The following PFDN1 variants were observed in gnomAD, a reference collection of about 807,000 sequenced individuals.
PFDN1 encodes prefoldin 1.
PFDN1 carries 6 observed loss-of-function variants against 17.3 expected under a neutral mutation model. The observed-to-expected ratio is 0.35, with a 90% CI of 0.19 to 0.69. The LOEUF is 0.69. Ranked by LOEUF, PFDN1 falls within the 30% of genes least tolerant of loss-of-function variation. The pLI is 0.65. For synonymous variants in PFDN1, 58 were observed against 50.1 expected, an observed-to-expected ratio of 1.16 and a Z score of -0.67; for missense variants, 113 against 146.2, an observed-to-expected ratio of 0.77 and a Z score of 1.17.
chr5:140,277,499 T>C (rs749860414), intron 3 of PFDN1, among the ~76,000 whole-genome samples: 4 of 151,846 alleles, frequency 2.6e-5, no homozygotes, highest in Non-Finnish European at 5.9e-5. Context: ...AATACAAATT[T>C]TCCAGAATTT....
At chr5:140,277,592 T>C (rs2126690290) in intron 3 of PFDN1, among the ~76,000 whole-genome samples, 1 of 150,922 alleles carries the variant, frequency 6.6e-6, no homozygotes, top group Middle Eastern at 3.4e-3. Context: ...TAGCCACGCG[T>C]GGTAGCATGC....
Position 140,300,588 on chromosome 5 carries a change from A to G in PFDN1, c.34-6T>C. 1 of 1,588,414 alleles carries G rather than the reference A, an allele frequency of 6.3e-7. No individual in the cohort carries two copies. Among genetic ancestry groups the G allele is most frequent in the South Asian group, 1.2e-5 (1 of 86,504 alleles). ...GCTTGAAGCTCTGTGAAGGCCTAAT[A>G]AAAACAAGTCCATGATTTAGTAGGT... is the stretch of plus-strand genomic sequence containing the variant. On this transcript the variant is annotated splice_polypyrimidine_tract_variant and splice_region_variant and intron_variant, in intron 1 of 3. Coordinates refer to ENST00000261813, the MANE Select transcript of PFDN1 (RefSeq NM_002622.5).
intron 3 of PFDN1, chr5:140,262,536 C>T (rs748800377): frequency 4.4e-6 from 2 of 456,156 alleles, no homozygotes; most frequent in South Asian, 3.1e-5. Context: ...GACCTGCTGG[C>T]ACTCGACTGT....
chr5:140,263,927 A>G (rs1765099388), intron 3 of PFDN1, among the ~76,000 whole-genome samples: 2 of 146,516 alleles, frequency 1.4e-5, no homozygotes, highest in African/African-American at 2.5e-5. Context: ...AGGCTGAAGC[A>G]GGAGAATGGC....
intron 1 of PFDN1, 126 bp from the exon 2 acceptor site, chr5:140,300,708 A>G: frequency 1.6e-6 from 1 of 617,256 alleles, no homozygotes; most frequent in South Asian, 2.2e-5. Context: ...CCAAACATCA[A>G]TAAAAGTCAA....
intron 3 of PFDN1, among the ~76,000 whole-genome samples, chr5:140,247,861 C>T (rs943422740): frequency 3.3e-5 from 5 of 151,978 alleles, no homozygotes; most frequent in East Asian, 2.0e-4. Flanking sequence ...ACCCAGGAGG[C>T]GGAGGCTGCA....
chr5:140,273,549 T>C (rs1765243496), intron 3 of PFDN1, among the ~76,000 whole-genome samples: 1 of 152,244 alleles, frequency 6.6e-6, no homozygotes, highest in Non-Finnish European at 1.5e-5. Context: ...AGGCACCTCC[T>C]ATCCTGTTCT....
At chr5:140,300,675 C>T (rs937018448) in intron 1 of PFDN1, 93 bp from the exon 2 acceptor site, 4 of 801,374 alleles carry the variant, frequency 5.0e-6, no homozygotes, top group Non-Finnish European at 7.9e-6. Context: ...ATATGCTAGC[C>T]AGAGACAAAG....
chr5:140,257,297 C>T (rs1765002889), intron 3 of PFDN1, among the ~76,000 whole-genome samples: 1 of 152,034 alleles, frequency 6.6e-6, no homozygotes, highest in Non-Finnish European at 1.5e-5. Flanking sequence ...AACCAAGGTG[C>T]TCAGGCTCCA....
Position 140,245,639 on chromosome 5 carries a change from G to C in PFDN1, c.*335C>G, listed in dbSNP as rs11558407. Reference sequence around the variant, plus strand: ...CAAGAAAACCAGGCTTAGCAGAGTGGGACAGACGCTTTTTATTGGTCTGGC... The same window carrying C: ...CAAGAAAACCAGGCTTAGCAGAGTGCGACAGACGCTTTTTATTGGTCTGGC... On this transcript the variant is annotated 3_prime_UTR_variant, in exon 4 of 4. Coordinates refer to ENST00000261813, the MANE Select transcript of PFDN1 (RefSeq NM_002622.5). 1.5e-6 allele frequency: 1 copy of C among 687,706 alleles called. No homozygotes were observed. Among genetic ancestry groups the C allele is most frequent in the African/African-American group, 1.8e-5 (1 of 56,392 alleles). 42.6% of individuals were successfully genotyped at this position (687,706 alleles called of 1,614,324 possible).
intron 3 of PFDN1, among the ~76,000 whole-genome samples, chr5:140,274,094 C>CA (rs1226471119): frequency 6.6e-6 from 1 of 152,156 alleles, no homozygotes; most frequent in East Asian, 1.9e-4. Context: ...TTCCTAACTG[C>CA]AAAAGAGGCC....
chr5:140,262,422 C>T (rs934625899), intron 3 of PFDN1: 13 of 429,040 alleles, frequency 3.0e-5, no homozygotes, highest in Non-Finnish European at 5.8e-5. Context: ...CCATGAAGAA[C>T]ACGTGACCTC....
Position 140,245,435 on chromosome 5 carries a change from TC to T in PFDN1, c.*538del, listed in dbSNP as rs898729366. The stretch of plus-strand genomic sequence containing the variant: ...TCAGCTGTGAACATCTGTTCTTTCT[TC>T]CTCTTCTGTCTACTGCATGCAGGCC... On this transcript the variant is annotated 3_prime_UTR_variant, in exon 4 of 4. Transcript: ENST00000261813. 2.1e-5 allele frequency: 15 copies of T among 702,402 alleles called. No individual in the cohort carries two copies. In the Admixed American group the frequency reaches 2.4e-4, roughly 11 times the overall value. 43.5% of individuals were successfully genotyped at this position (702,402 alleles called of 1,614,324 possible).
In PFDN1 at chr5:140,246,018, C is replaced by T. The variant is rs1764824653; in HGVS notation, c.325G>A (p.Glu109Lys). The T allele has an allele frequency of 6.4e-7, 1 of 1,563,506 alleles. No homozygotes were observed. The highest frequency in any genetic ancestry group is 1.4e-5 in the African/African-American group (1 of 73,892). The change falls in exon 4 of 4, where the codon GAG becomes AAG. Residue 109 changes from glutamate (E) to lysine (K), a missense_variant. Glu to Lys is a moderately conservative substitution (Grantham distance 56, BLOSUM62 1). Coordinates refer to ENST00000261813, the MANE Select transcript of PFDN1 (RefSeq NM_002622.5). Reference protein sequence around the residue: ...SYLERSVKEAEDNIREMLMAR... With the variant: ...SYLERSVKEAKDNIREMLMAR... ...ATCAGCATCTCCCGGATGTTGTCCT[C>T]AGCTTCCTTAACGCTTCGCTCCAGG...
At chr5:140,272,145 G>A (rs181830342) in intron 3 of PFDN1, among the ~76,000 whole-genome samples, 127 of 150,766 alleles carry the variant, frequency 8.4e-4, no homozygotes, top group African/African-American at 2.3e-3. Context: ...CCAGCCTCCC[G>A]AGTAGCTGGG....
intron 3 of PFDN1, 153 bp downstream of exon 3, chr5:140,281,296 G>T: frequency 1.8e-6 from 1 of 559,746 alleles, no homozygotes; most frequent in Non-Finnish European, 3.2e-6. Flanking sequence ...CTATGAATAT[G>T]AATATGACAG....
chr5:140,265,429 T>C (rs1765121975), intron 3 of PFDN1, among the ~76,000 whole-genome samples: 1 of 152,204 alleles, frequency 6.6e-6, no homozygotes, highest in Non-Finnish European at 1.5e-5. Context: ...GCTAGTTCTA[T>C]GACTTGAAAC....
Position 140,245,620 on chromosome 5 carries a change from A to G in PFDN1, c.*354T>C, listed in dbSNP as rs1173775192. On this transcript the variant is annotated 3_prime_UTR_variant, in exon 4 of 4. Coordinates refer to ENST00000261813, the MANE Select transcript of PFDN1 (RefSeq NM_002622.5). ...TCTGTTCCATCCCTCTGCTCAAGAA[A>G]ACCAGGCTTAGCAGAGTGGGACAGA... The G allele has an allele frequency of 2.9e-6, 2 of 700,604 alleles. No homozygotes were observed. Among genetic ancestry groups the G allele is most frequent in the Non-Finnish European group, 5.2e-6 (2 of 384,500 alleles). 43.4% of individuals were successfully genotyped at this position (700,604 alleles called of 1,614,324 possible). A position where few individuals can be genotyped will look rare whatever the true frequency, so the allele number is the denominator to read the frequency against.
intron 3 of PFDN1, among the ~76,000 whole-genome samples, chr5:140,253,429 A>C (rs559180332): frequency 2.0e-5 from 3 of 152,244 alleles, no homozygotes; most frequent in African/African-American, 7.2e-5. Context: ...GAGGGGAAAA[A>C]ATTCTTCTTC....
Sources: gnomAD v4.1 joint callset for allele counts (sites outside exome capture counted in the v4.1 genomes callset) on GRCh38, gnomAD v4.1.1 for gene constraint, MANE v1.5 for transcripts, NCBI Gene and HGNC (gene_info 2026-07-23, HGNC 2026-07-21) for gene names.